The following ZHX2 variants were observed in gnomAD, a reference collection of about 807,000 sequenced individuals.
The protein encoded by ZHX2 is zinc fingers and homeoboxes protein 2.
ZHX2 carries 6 observed loss-of-function variants against 21.9 expected under a neutral mutation model. The observed-to-expected ratio is 0.27, with a 90% CI of 0.15 to 0.54. The LOEUF (loss-of-function observed/expected upper bound fraction) is 0.54. ZHX2 is among the 20% of genes least tolerant of loss of function. ZHX2 has a pLI of 0.95. For missense variants in ZHX2, 908 were observed against 1,090.7 expected, an observed-to-expected ratio of 0.83 and a Z score of 2.36; for synonymous variants, 434 against 437.1, an observed-to-expected ratio of 0.99 and a Z score of 0.09.
intron 1 of ZHX2, among the ~76,000 whole-genome samples, chr8:122,862,182 C>T (rs1194365265): frequency 6.6e-6 from 1 of 152,178 alleles, no homozygotes; most frequent in East Asian, 1.9e-4. Context: ...CACCCACCAC[C>T]CGTGGCTAGG....
At chr8:122,968,609 C>A (rs1039608579) in intron 3 of ZHX2, among the ~76,000 whole-genome samples, 1 of 152,088 alleles carries the variant, frequency 6.6e-6, no homozygotes, top group African/African-American at 2.4e-5. Flanking sequence ...GAGGCCAAGG[C>A]GGGTGGGTTA....
chr8:122,887,252 G>T (rs1039542697), intron 2 of ZHX2, among the ~76,000 whole-genome samples: 1 of 152,062 alleles, frequency 6.6e-6, no homozygotes, highest in African/African-American at 2.4e-5. Flanking sequence ...GGTGGCTCAC[G>T]CCTGTAATCC....
intron 1 of ZHX2, among the ~76,000 whole-genome samples, chr8:122,847,496 G>C (rs1818779921): frequency 6.6e-6 from 1 of 152,224 alleles, no homozygotes; most frequent in Non-Finnish European, 1.5e-5. Context: ...CTCCTCAAGG[G>C]TGGGTCTTGG....
intron 1 of ZHX2, among the ~76,000 whole-genome samples, chr8:122,822,914 A>G (rs377417536): frequency 6.4e-4 from 98 of 152,358 alleles, no homozygotes; most frequent in Middle Eastern, 3.4e-3. Context: ...TTGCTGCAAT[A>G]GGACTTGAAT....
intron 1 of ZHX2, among the ~76,000 whole-genome samples, chr8:122,825,055 A>G (rs1212146555): frequency 6.6e-6 from 1 of 152,222 alleles, no homozygotes. Context: ...TTAAGCCAGG[A>G]TAATCTCCCC....
At chr8:122,856,980 G>A (rs995845419) in intron 1 of ZHX2, among the ~76,000 whole-genome samples, 6 of 152,058 alleles carry the variant, frequency 3.9e-5, no homozygotes, top group East Asian at 1.9e-4. Context: ...TGGCCTTCTC[G>A]GCTCCAGCCA....
Position 122,965,734 on chromosome 8 carries a change from G to C in ZHX2, c.*5-7508G>C, listed in dbSNP as rs536247190. On this transcript the variant is annotated intron_variant, in intron 3 of 3. Coordinates refer to ENST00000314393, the MANE Select transcript of ZHX2 (RefSeq NM_014943.5). ...TTTCCATCTTGATGACCTGTCTAGTGCTGTCAGTGTAGTGTTGAAGTCCCC... is the reference window on the plus strand; with the variant it reads ...TTTCCATCTTGATGACCTGTCTAGTCCTGTCAGTGTAGTGTTGAAGTCCCC... Among the ~76,000 whole-genome samples the C allele has an allele frequency of 3.3e-5, 5 of 152,234 alleles. No individual in the cohort carries two copies. In the South Asian group the frequency reaches 8.3e-4, roughly 25 times the overall value.
intron 3 of ZHX2, among the ~76,000 whole-genome samples, chr8:122,965,590 G>A (rs1813560784): frequency 6.6e-6 from 1 of 152,132 alleles, no homozygotes; most frequent in South Asian, 2.1e-4. Flanking sequence ...CTTGGAGAAT[G>A]TTCCATGTGC....
upstream of ZHX2, chr8:122,781,596 C>T (rs1817285970): frequency 6.6e-6 from 1 of 152,644 alleles, no homozygotes; most frequent in South Asian, 2.1e-4. The surrounding 1 kb of genome is among the most constrained non-coding windows in gnomAD (Gnocchi z 4.6). Flanking sequence ...GAACCCGAGC[C>T]CGGGTGGCAG....
intron 2 of ZHX2, among the ~76,000 whole-genome samples, chr8:122,950,614 C>T (rs1813086084): frequency 6.6e-6 from 1 of 152,042 alleles, no homozygotes; most frequent in Non-Finnish European, 1.5e-5. Context: ...AATGGCTGAA[C>T]GTATCATGTG....
At chr8:122,940,172 G>A (rs1812806581) in intron 2 of ZHX2, among the ~76,000 whole-genome samples, 1 of 152,176 alleles carries the variant, frequency 6.6e-6, no homozygotes, top group African/African-American at 2.4e-5. Context: ...AAGTAATGAA[G>A]CCAGGATTCA....
At chr8:122,784,171 G>A (rs531973548) in intron 1 of ZHX2, among the ~76,000 whole-genome samples, 20 of 152,198 alleles carry the variant, frequency 1.3e-4, no homozygotes, top group Non-Finnish European at 1.3e-4. Flanking sequence ...CCCACCCGGC[G>A]TTTCTCATCC....
At chr8:122,799,531 G>T (rs572140897) in intron 1 of ZHX2, among the ~76,000 whole-genome samples, 1 of 152,288 alleles carries the variant, frequency 6.6e-6, no homozygotes, top group African/African-American at 2.4e-5. Context: ...TATCTTTTTG[G>T]TGAACTTCAA....
intron 1 of ZHX2, among the ~76,000 whole-genome samples, chr8:122,792,476 G>A (rs1200403281): frequency 6.6e-6 from 1 of 152,104 alleles, no homozygotes. Flanking sequence ...CATTTCTCTC[G>A]GGTAGATACC....
At chr8:122,801,992 G>A (rs542508944) in intron 1 of ZHX2, among the ~76,000 whole-genome samples, 12 of 152,256 alleles carry the variant, frequency 7.9e-5, no homozygotes, top group African/African-American at 2.6e-4. Context: ...GCTGACTTTG[G>A]GTGGGTCATT....
chr8:122,826,016 C>T (rs539378946), intron 1 of ZHX2, among the ~76,000 whole-genome samples: 11 of 152,276 alleles, frequency 7.2e-5, no homozygotes, highest in African/African-American at 2.6e-4. Flanking sequence ...GCCCATTATT[C>T]CCGAATCTGT....
chr8:122,957,259 A>G (rs1260688520), intron 3 of ZHX2, among the ~76,000 whole-genome samples: 1 of 149,068 alleles, frequency 6.7e-6, no homozygotes, highest in Non-Finnish European at 1.5e-5. Context: ...CATTTCTAGT[A>G]TACCCCCGTT....
intron 1 of ZHX2, among the ~76,000 whole-genome samples, chr8:122,784,330 C>T (rs1412641547): frequency 1.3e-5 from 2 of 152,180 alleles, no homozygotes; most frequent in Non-Finnish European, 1.5e-5. Context: ...TCACCACAAT[C>T]CTGTGAGCTA....
At chr8:122,943,976 C>T (rs368815657) in intron 2 of ZHX2, among the ~76,000 whole-genome samples, 1 of 152,336 alleles carries the variant, frequency 6.6e-6, no homozygotes. Flanking sequence ...CCCTCACACC[C>T]CTGCCCCTTA....
Sources: allele counts gnomAD v4.1 joint callset (sites outside exome capture counted in the v4.1 genomes callset), GRCh38; gene constraint gnomAD v4.1.1; non-coding constraint Gnocchi (gnomAD v3.1); transcripts MANE v1.5; gene names NCBI Gene and HGNC (gene_info 2026-07-23, HGNC 2026-07-21).